Variants in SERPINB1 observed in about 807,000 individuals in gnomAD.
The protein encoded by SERPINB1 is serpin family B member 1, also known as leukocyte elastase inhibitor.
SERPINB1 carries 23 observed loss-of-function variants against 25.9 expected under a neutral mutation model. The observed-to-expected ratio is 0.89, with a 90% CI of 0.64 to 1.26. The LOEUF is 1.26. Ranked by LOEUF, SERPINB1 falls within the 50% of genes most tolerant of loss-of-function variation. SERPINB1 has a pLI of 0.00. For synonymous variants in SERPINB1, 178 were observed against 178.7 expected (o/e 1.00, Z 0.03); for missense variants, 399 against 463.6 (o/e 0.86, Z 1.28).
rs1766416834 is a variant in SERPINB1, at chr6:2,834,026, T to C, written c.736-14A>G. The C allele has an allele frequency of 1.9e-6, 3 of 1,573,816 alleles. No homozygotes were observed. The East Asian group carries it at 6.8e-5, about 35-fold the overall frequency. The stretch of plus-strand genomic sequence containing the variant: ...CTGTTCCTCAATCTGCAATTAAAAA[T>C]GAGGCGAAAGAGGAAGTGATATCAA... On this transcript the variant is annotated splice_polypyrimidine_tract_variant and intron_variant, in intron 6 of 6. Coordinates refer to ENST00000380739, the MANE Select transcript of SERPINB1 (RefSeq NM_030666.4).
In SERPINB1 at chr6:2,840,635, C is replaced by A. The variant is rs937077250; in HGVS notation, c.-8-41G>T. The A allele has an allele frequency of 5.2e-6, 8 of 1,546,498 alleles. No homozygotes were observed. In the African/African-American group the frequency reaches 1.1e-4, roughly 21 times the overall value. On this transcript the variant is annotated intron_variant, in intron 1 of 6. Coordinates refer to ENST00000380739, the MANE Select transcript of SERPINB1 (RefSeq NM_030666.4). Reference sequence around the variant, plus strand: ...GGGTCCTCATGGTGCCCACTGCCCACGCCAGCAGATTAGGCAGCACTATTT... The same window carrying A: ...GGGTCCTCATGGTGCCCACTGCCCAAGCCAGCAGATTAGGCAGCACTATTT...
chr6:2,838,701 ATCT>A lies in SERPINB1; in HGVS notation c.169-18_169-16del, dbSNP rs1207651560. ...AAATGGAAAGTCTAAAATAAAGAAA[ATCT>A]TCTTTCTACAACCATTTATTTTGAA... On this transcript the variant is annotated splice_polypyrimidine_tract_variant and intron_variant, in intron 2 of 6. Coordinates refer to ENST00000380739, the MANE Select transcript of SERPINB1 (RefSeq NM_030666.4). 3.9e-6 allele frequency: 6 copies of A among 1,541,546 alleles called. No homozygotes were observed. The highest frequency in any genetic ancestry group is 1.4e-5 in the African/African-American group (1 of 71,752).
rs2113544683 is a variant in SERPINB1 at position 2,840,543 on chromosome 6, A to G, written c.44T>C (p.Leu15Pro). 2 of 1,614,140 alleles carry G rather than the reference A, an allele frequency of 1.2e-6. No homozygotes were observed. Among genetic ancestry groups the G allele is most frequent in the Non-Finnish European group, 1.7e-6 (2 of 1,180,016 alleles). Reference protein sequence around the residue: ...SSANTRFALDLFLALSENNPA... With the variant: ...SSANTRFALDPFLALSENNPA... ...ATTGTTCTCACTCAACGCCAGGAAC[A>G]GGTCCAAGGCGAAGCGGGTGTTTGC... Residue 15 changes from leucine (L) to proline (P), a missense_variant, in exon 2 of 7, where the codon CTG becomes CCG. Coordinates refer to ENST00000380739, the MANE Select transcript of SERPINB1 (RefSeq NM_030666.4).
intron 6 of SERPINB1, 110 bp downstream of exon 6, chr6:2,835,746 T>C (rs928138029): frequency 3.2e-6 from 4 of 1,238,692 alleles, no homozygotes; most frequent in Non-Finnish European, 4.5e-6. Context: ...TACAAAGGAA[T>C]GACAAACTAC....
chr6:2,840,404 T>G lies in SERPINB1; in HGVS notation c.168+15A>C, dbSNP rs369445555. The G allele has an allele frequency of 3.7e-6, 6 of 1,613,588 alleles. No individual in the cohort carries two copies. The African/African-American group carries it at 4.0e-5, about 11-fold the overall frequency. ...GATGGGAGGAAAGCAGACCCTTTTTTTTGTTTCTGCTGACCTTGGACAGCT... is the reference window on the plus strand; with the variant it reads ...GATGGGAGGAAAGCAGACCCTTTTTGTTGTTTCTGCTGACCTTGGACAGCT... On this transcript the variant is annotated intron_variant, in intron 2 of 6. Coordinates refer to ENST00000380739, the MANE Select transcript of SERPINB1 (RefSeq NM_030666.4).
Position 2,833,958 on chromosome 6 carries a change from G to T in SERPINB1, c.790C>A (p.Leu264Ile). ...CTGACATTAACTTCAATGAAATCGA[G>T]ATTCTCAGGTTTAGTCCACTCATGC... ...KLHEWTKPENLDFIEVNVSLP... is the reference protein window; with the variant it reads ...KLHEWTKPENIDFIEVNVSLP... Residue 264 changes from leucine (L) to isoleucine (I), a missense_variant, in exon 7 of 7, where the codon CTC becomes ATC. Transcript: ENST00000380739. The T allele has an allele frequency of 1.2e-6, 2 of 1,613,530 alleles. No individual in the cohort carries two copies. The highest frequency in any genetic ancestry group is 1.7e-6 in the Non-Finnish European group (2 of 1,179,884).
At chr6:2,836,908 G>A (rs576348332) in intron 4 of SERPINB1, among the ~76,000 whole-genome samples, 2 of 152,240 alleles carry the variant, frequency 1.3e-5, no homozygotes, top group African/African-American at 2.4e-5. Context: ...CATACTCCAT[G>A]GAAATAAAGG....
Position 2,837,348 on chromosome 6 carries a change from G to A in SERPINB1, c.424+534C>T, listed in dbSNP as rs1043478279. 6.6e-6 allele frequency among the ~76,000 whole-genome samples: 1 copy of A among 151,688 alleles called. No individual in the cohort carries two copies. Among genetic ancestry groups the A allele is most frequent in the Non-Finnish European group, 1.5e-5 (1 of 67,946 alleles). ...GGCTGGAGTACAGTGGCATGATCTC[G>A]GCTCACTGTAACCTTTACCTCCTGT... On this transcript the variant is annotated intron_variant, in intron 4 of 6. Coordinates refer to ENST00000380739, the MANE Select transcript of SERPINB1 (RefSeq NM_030666.4). This position sits in a 1 kb window ranked among gnomAD's most constrained non-coding sequence, Gnocchi z 4.3.
At chr6:2,839,781 G>A (rs1766594571) in intron 2 of SERPINB1, among the ~76,000 whole-genome samples, 1 of 152,184 alleles carries the variant, frequency 6.6e-6, no homozygotes, top group Admixed American at 6.5e-5. Context: ...AAGGAAGGCT[G>A]GGCATGAGAG....
intron 3 of SERPINB1, among the ~76,000 whole-genome samples, 197 bp from the exon 4 acceptor site, chr6:2,838,196 A>T (rs1223364041): frequency 6.6e-6 from 1 of 152,166 alleles, no homozygotes; most frequent in Non-Finnish European, 1.5e-5. Flanking sequence ...GCCACTTTTA[A>T]CTGTGCATTC....
chr6:2,837,848 G>T lies in SERPINB1; in HGVS notation c.424+34C>A. Reference sequence around the variant, plus strand: ...ACTGAGGAAACGAATGACATGACCAGCGCATAATGATTCCATTCTGCCCAG... The same window carrying T: ...ACTGAGGAAACGAATGACATGACCATCGCATAATGATTCCATTCTGCCCAG... On this transcript the variant is annotated intron_variant, in intron 4 of 6. Transcript: ENST00000380739. The surrounding 1 kb of genome is among the most constrained non-coding windows in gnomAD (Gnocchi z 4.3). The T allele has an allele frequency of 6.9e-7, 1 of 1,459,456 alleles. No individual in the cohort carries two copies. The highest frequency in any genetic ancestry group is 9.6e-7 in the Non-Finnish European group (1 of 1,039,530). The allele number at this position is 1,459,456 out of a possible 1,614,324, so 90.4% of individuals were successfully genotyped here.
rs771318673 is a variant in SERPINB1 at position 2,840,536 on chromosome 6, C to T, written c.51G>A (p.Leu17=). 6.2e-7 allele frequency: 1 copy of T among 1,614,162 alleles called. No individual in the cohort carries two copies. Among genetic ancestry groups the T allele is most frequent in the South Asian group, 1.1e-5 (1 of 91,076 alleles). Reference sequence around the variant, plus strand: ...CAGCCGGATTGTTCTCACTCAACGCCAGGAACAGGTCCAAGGCGAAGCGGG... The same window carrying T: ...CAGCCGGATTGTTCTCACTCAACGCTAGGAACAGGTCCAAGGCGAAGCGGG... ...ANTRFALDLF[L]ALSENNPAGN... is the part of the protein sequence containing the mutation. The change falls in exon 2 of 7, where the codon CTG becomes CTA. Residue 17 remains leucine, a synonymous_variant. Transcript: ENST00000380739.
intron 2 of SERPINB1, 92 bp downstream of exon 2, chr6:2,840,327 G>A: frequency 3.4e-6 from 5 of 1,453,420 alleles, no homozygotes; most frequent in South Asian, 1.2e-5. Context: ...GAAAACACAA[G>A]GTAAGAGCTC....
rs771113900 is a variant in SERPINB1, at chr6:2,836,118, CTGAA to C, written c.553_556del (p.Phe185AspfsTer2). ...GTTACCTCACCTCACCTTATTCAAT[CTGAA>C]TGGTGCATTCGTCGTGGCTTCTTTC... is the stretch of plus-strand genomic sequence containing the variant. On this transcript the variant is annotated frameshift_variant, in exon 5 of 7. Coordinates refer to ENST00000380739, the MANE Select transcript of SERPINB1 (RefSeq NM_030666.4). LOFTEE classifies it high-confidence loss of function. The C allele has an allele frequency of 6.2e-7, 1 of 1,614,046 alleles. No individual in the cohort carries two copies. The highest frequency in any genetic ancestry group is 8.5e-7 in the Non-Finnish European group (1 of 1,180,006).
chr6:2,836,079 C>T, intron 5 of SERPINB1, 29 bp downstream of exon 5: 1 of 1,613,788 alleles, frequency 6.2e-7, no homozygotes, highest in South Asian at 1.1e-5. Flanking sequence ...TAGAGCAATG[C>T]ATGACTCTGT....
At position 2,833,686 on chromosome 6, in the gene SERPINB1, G is replaced by A. The variant is rs749420252; in HGVS notation, c.1062C>T (p.Ala354=). The change falls in exon 7 of 7, where the codon GCC becomes GCT. Residue 354 remains alanine (A), a synonymous_variant. Transcript: ENST00000380739. ...CMLMPEENFT[A]DHPFLFFIRH... is the part of the protein sequence containing the mutation. ...GAATAAAGAAAAGGAATGGATGGTC[G>A]GCAGTGAAATTTTCTTCGGGCATCA... 5.9e-5 allele frequency: 96 copies of A among 1,614,044 alleles called. No homozygotes were observed. The highest frequency in any genetic ancestry group is 9.3e-5 in the African/African-American group (7 of 74,932).
In SERPINB1 at chr6:2,837,845, C is replaced by T; in HGVS notation, c.424+37G>A. ...CGGACTGAGGAAACGAATGACATGA[C>T]CAGCGCATAATGATTCCATTCTGCC... On this transcript the variant is annotated intron_variant, in intron 4 of 6. Coordinates refer to ENST00000380739, the MANE Select transcript of SERPINB1 (RefSeq NM_030666.4). The surrounding 1 kb of genome is among the most constrained non-coding windows in gnomAD (Gnocchi z 4.3). 1 of 1,447,678 alleles carries T rather than the reference C, an allele frequency of 6.9e-7. No individual in the cohort carries two copies. Among genetic ancestry groups the T allele is most frequent in the Non-Finnish European group, 9.7e-7 (1 of 1,029,126 alleles). The allele number at this position is 1,447,678 out of a possible 1,614,324, so 89.7% of individuals were successfully genotyped here.
Position 2,841,405 on chromosome 6 carries a change from C to T in SERPINB1, c.-9+407G>A, listed in dbSNP as rs2113546663. 1 of 152,706 alleles carries T rather than the reference C, an allele frequency of 6.5e-6. No homozygotes were observed. The highest frequency in any genetic ancestry group is 1.9e-4 in the East Asian group (1 of 5,184). 9.5% of individuals were successfully genotyped at this position (152,706 alleles called of 1,614,324 possible). A position where few individuals can be genotyped will look rare whatever the true frequency, so the allele number is the denominator to read the frequency against. On this transcript the variant is annotated intron_variant, in intron 1 of 6. Transcript: ENST00000380739. This position sits in a 1 kb window ranked among gnomAD's most constrained non-coding sequence, Gnocchi z 4.5. ...TCTAGAATCGCACGGGGTTCCTCCTCTCTCTCCCTGCAGCTGCAGATAGGA... is the reference window on the plus strand; with the variant it reads ...TCTAGAATCGCACGGGGTTCCTCCTTTCTCTCCCTGCAGCTGCAGATAGGA...
Position 2,837,923 on chromosome 6 carries a change from G to T in SERPINB1, c.383C>A (p.Ala128Glu). The T allele has an allele frequency of 6.2e-7, 1 of 1,613,978 alleles. No homozygotes were observed. The highest frequency in any genetic ancestry group is 1.1e-5 in the South Asian group (1 of 91,084). ...SVDFQHASED[A>E]RKTINQWVKG... Reference sequence around the variant, plus strand: ...GACCCACTGGTTTATGGTCTTCCTTGCATCTTCAGAGGCATGCTGAAAATC... The same window carrying T: ...GACCCACTGGTTTATGGTCTTCCTTTCATCTTCAGAGGCATGCTGAAAATC... The change falls in exon 4 of 7, where the codon GCA becomes GAA. Residue 128 changes from alanine to glutamate, a missense_variant. Coordinates refer to ENST00000380739, the MANE Select transcript of SERPINB1 (RefSeq NM_030666.4). The surrounding 1 kb of genome is among the most constrained non-coding windows in gnomAD (Gnocchi z 4.3).
Sources: gnomAD v4.1 joint callset for allele counts (sites outside exome capture counted in the v4.1 genomes callset) on GRCh38, gnomAD v4.1.1 for gene constraint, Gnocchi (gnomAD v3.1) non-coding constraint, MANE v1.5 for transcripts, NCBI Gene and HGNC (gene_info 2026-07-23, HGNC 2026-07-21) for gene names.